PPARGC1B: variants seen among roughly 807,000 people sequenced by gnomAD.
PPARGC1B encodes peroxisome proliferator-activated receptor gamma coactivator 1-beta.
A neutral mutation model predicts 101.6 loss-of-function variants in PPARGC1B; 34 were observed. The observed-to-expected ratio is 0.33, with a 90% CI of 0.25 to 0.45. The LOEUF (loss-of-function observed/expected upper bound fraction) is 0.45. PPARGC1B is among the 20% of genes least tolerant of loss of function. The pLI, the probability that PPARGC1B is intolerant of heterozygous loss-of-function variation, is 1.00. For missense variants in PPARGC1B, 1,234 were observed against 1,317.6 expected (o/e 0.94, Z 0.98); for synonymous variants, 548 against 539.3 (o/e 1.02, Z -0.22).
At chr5:149,818,267 T>C (rs1219870161) in intron 1 of PPARGC1B, among the ~76,000 whole-genome samples, 2 of 152,182 alleles carry the variant, frequency 1.3e-5, no homozygotes, top group African/African-American at 4.8e-5. Flanking sequence ...GTTTTGTTTG[T>C]GTGATTATTT....
Position 149,732,317 on chromosome 5 carries a change from C to T in PPARGC1B, c.78+1897C>T, listed in dbSNP as rs571933585. Among the ~76,000 whole-genome samples, 8 of 152,306 alleles carry T rather than the reference C, an allele frequency of 5.3e-5. No individual in the cohort carries two copies. In the South Asian group the frequency reaches 1.4e-3, roughly 28 times the overall value. ...AGATCTCGAAATTGCCCTGGGGCGT[C>T]TCCGAATCTCTTGGCTGAAAAGCGG... On this transcript the variant is annotated intron_variant, in intron 1 of 11. Transcript: ENST00000309241.
chr5:149,793,748 G>A (rs534169216), intron 1 of PPARGC1B, among the ~76,000 whole-genome samples: 2 of 152,188 alleles, frequency 1.3e-5, no homozygotes, highest in Non-Finnish European at 2.9e-5. Context: ...AGACTTGTAG[G>A]AGGAAGATGT....
At chr5:149,735,095 T>C (rs1438676032) in intron 1 of PPARGC1B, among the ~76,000 whole-genome samples, 1 of 152,220 alleles carries the variant, frequency 6.6e-6, no homozygotes, top group Non-Finnish European at 1.5e-5. Flanking sequence ...GATTGAAGCA[T>C]AGCCTTCACT....
At chr5:149,846,009 G>A (rs1214527581) in intron 11 of PPARGC1B, 95 bp downstream of exon 11, 18 of 1,484,266 alleles carry the variant, frequency 1.2e-5, no homozygotes, top group Non-Finnish European at 1.7e-5. Context: ...GCGCCTTGTG[G>A]ACATAGCTTC....
chr5:149,759,032 A>G (rs1211778358), intron 1 of PPARGC1B, among the ~76,000 whole-genome samples: 1 of 152,230 alleles, frequency 6.6e-6, no homozygotes, highest in Non-Finnish European at 1.5e-5. Flanking sequence ...AGGAAATAAA[A>G]ACCACCCATA....
intron 1 of PPARGC1B, among the ~76,000 whole-genome samples, chr5:149,799,666 T>C (rs1327153547): frequency 1.3e-5 from 2 of 150,618 alleles, no homozygotes; most frequent in African/African-American, 4.9e-5. Flanking sequence ...TGAATGGGCT[T>C]TTTTGTTTGT....
intron 1 of PPARGC1B, among the ~76,000 whole-genome samples, chr5:149,796,713 T>C (rs1757229547): frequency 6.6e-6 from 1 of 152,038 alleles, no homozygotes; most frequent in Non-Finnish European, 1.5e-5. Flanking sequence ...ATGGATGGCA[T>C]GTGAGGGCGA....
intron 1 of PPARGC1B, among the ~76,000 whole-genome samples, chr5:149,807,439 A>G (rs1757642745): frequency 6.6e-6 from 1 of 152,154 alleles, no homozygotes. Context: ...GACATGAGCA[A>G]CAGTCACCCT....
chr5:149,820,374 C>G, intron 1 of PPARGC1B, 59 bp from the exon 2 acceptor site: 1 of 1,523,212 alleles, frequency 6.6e-7, no homozygotes, highest in Non-Finnish European at 9.0e-7. Flanking sequence ...TGAGAGGGCC[C>G]CTGCTTGGGT....
chr5:149,761,011 G>C (rs971402805), intron 1 of PPARGC1B, among the ~76,000 whole-genome samples: 2 of 152,208 alleles, frequency 1.3e-5, no homozygotes, highest in African/African-American at 4.8e-5. Context: ...GATGCTGGCA[G>C]GCATCCGGCC....
At chr5:149,831,241 T>G (rs1234857867) in intron 4 of PPARGC1B, among the ~76,000 whole-genome samples, 1 of 152,164 alleles carries the variant, frequency 6.6e-6, no homozygotes, top group Non-Finnish European at 1.5e-5. Flanking sequence ...AGTTTGGATT[T>G]TTTTTCCCCC....
In PPARGC1B at chr5:149,833,800, C is replaced by A; in HGVS notation, c.1705+22C>A. On this transcript the variant is annotated intron_variant, in intron 5 of 11. Coordinates refer to ENST00000309241, the MANE Select transcript of PPARGC1B (RefSeq NM_133263.4). The surrounding 1 kb of genome is among the most constrained non-coding windows in gnomAD (Gnocchi z 4.1). ...AGAGGTAGTCAGAGTTGGTGGTCTG[C>A]GAAGTGGGGGCAGGGATGGGGTGCA... The A allele has an allele frequency of 6.8e-7, 1 of 1,468,058 alleles. No homozygotes were observed. 90.9% of individuals were successfully genotyped at this position (1,468,058 alleles called of 1,614,324 possible). A position where few individuals can be genotyped will look rare whatever the true frequency, so the allele number is the denominator to read the frequency against.
chr5:149,829,379 A>G (rs1286788356), intron 3 of PPARGC1B, among the ~76,000 whole-genome samples: 1 of 152,086 alleles, frequency 6.6e-6, no homozygotes, highest in Non-Finnish European at 1.5e-5. Flanking sequence ...AGTCACAAAC[A>G]TGTGGGTGCT....
intron 1 of PPARGC1B, among the ~76,000 whole-genome samples, chr5:149,778,593 C>G (rs541256888): frequency 1.2e-4 from 18 of 152,268 alleles, no homozygotes; most frequent in Admixed American, 6.5e-4. Context: ...ACAAGGGCTT[C>G]CTTAGAATAA....
chr5:149,742,635 A>G (rs991914171), intron 1 of PPARGC1B, among the ~76,000 whole-genome samples: 7 of 152,218 alleles, frequency 4.6e-5, no homozygotes, highest in African/African-American at 1.7e-4. Context: ...GGTATGTGCC[A>G]GGTACTAAGC....
Position 149,849,315 on chromosome 5 carries a change from A to C in PPARGC1B, c.*1757A>C, listed in dbSNP as rs1280594199. ...GACAAGGCCGGAAGAGACAGGCTTT[A>C]GTAGGGGTAGGGAATTTGAACTGTT... On this transcript the variant is annotated 3_prime_UTR_variant, in exon 12 of 12. Coordinates refer to ENST00000309241, the MANE Select transcript of PPARGC1B (RefSeq NM_133263.4). 2 of 152,262 alleles carry C rather than the reference A, an allele frequency of 1.3e-5. No homozygotes were observed. Among genetic ancestry groups the C allele is most frequent in the Admixed American group, 6.5e-5 (1 of 15,290 alleles). 9.4% of individuals were successfully genotyped at this position (152,262 alleles called of 1,614,324 possible). A position where few individuals can be genotyped will look rare whatever the true frequency, so the allele number is the denominator to read the frequency against.
At chr5:149,803,818 G>A (rs949024240) in intron 1 of PPARGC1B, among the ~76,000 whole-genome samples, 2 of 152,210 alleles carry the variant, frequency 1.3e-5, no homozygotes, top group African/African-American at 4.8e-5. Context: ...TCTTCGCTCT[G>A]GAACGCACTT....
Position 149,832,764 on chromosome 5 carries a change from G to A in PPARGC1B, c.691G>A (p.Gly231Ser). ...GGCACAGTGCTGCCTGCAGGATCGG[G>A]GTCTGCAGCCACCATGCCTCCAGAG... ...TSAQCCLQDR[G>S]LQPPCLQSPR... Residue 231 changes from glycine to serine, a missense_variant, in exon 5 of 12, where the codon GGT becomes AGT. Gly to Ser is a moderately conservative substitution (Grantham distance 56). Coordinates refer to ENST00000309241, the MANE Select transcript of PPARGC1B (RefSeq NM_133263.4). The surrounding 1 kb of genome is among the most constrained non-coding windows in gnomAD (Gnocchi z 4.9). The A allele has an allele frequency of 6.2e-7, 1 of 1,613,000 alleles. No individual in the cohort carries two copies. The highest frequency in any genetic ancestry group is 8.5e-7 in the Non-Finnish European group (1 of 1,179,434).
intron 1 of PPARGC1B, among the ~76,000 whole-genome samples, chr5:149,796,736 A>G (rs1038962940): frequency 1.3e-5 from 2 of 152,104 alleles, no homozygotes; most frequent in African/African-American, 4.8e-5. Context: ...GAAGAGAGGA[A>G]TACTTAAATT....
Sources: allele counts gnomAD v4.1 joint callset (sites outside exome capture counted in the v4.1 genomes callset), GRCh38; gene constraint gnomAD v4.1.1; non-coding constraint Gnocchi (gnomAD v3.1); transcripts MANE v1.5; gene names NCBI Gene and HGNC (gene_info 2026-07-23, HGNC 2026-07-21).